OSBPL10: variants seen among roughly 807,000 people sequenced by gnomAD.
OSBPL10 encodes oxysterol-binding protein-related protein 10.
OSBPL10 carries 49 observed loss-of-function variants against 81.7 expected under a neutral mutation model. That is an observed-to-expected ratio of 0.60 (90% CI 0.48 to 0.76). The LOEUF is 0.76. Among genes scored for constraint, OSBPL10 ranks in the 30% least tolerant of loss-of-function variants. The probability of loss-of-function intolerance (pLI) is 0.00; values close to 1 mark genes in which losing one functional copy is unlikely to be tolerated. For missense variants in OSBPL10, 923 were observed against 987.8 expected, an observed-to-expected ratio of 0.93 and a Z score of 0.88; for synonymous variants, 419 against 383.6, an observed-to-expected ratio of 1.09 and a Z score of -1.08.
intron 1 of OSBPL10, among the ~76,000 whole-genome samples, chr3:31,911,843 G>C (rs1696589559): frequency 6.6e-6 from 1 of 152,068 alleles, no homozygotes; most frequent in Non-Finnish European, 1.5e-5. Flanking sequence ...TTATGAAAGA[G>C]GTCAACTTGG....
chr3:31,915,768 A>C (rs944157426), intron 1 of OSBPL10, among the ~76,000 whole-genome samples: 1 of 151,732 alleles, frequency 6.6e-6, no homozygotes, highest in African/African-American at 2.4e-5. Flanking sequence ...GTTGAAAAAA[A>C]ATTATCTGTA....
intron 1 of OSBPL10, among the ~76,000 whole-genome samples, chr3:31,909,525 G>C (rs544151870): frequency 6.6e-6 from 1 of 151,934 alleles, no homozygotes; most frequent in East Asian, 1.9e-4. Flanking sequence ...AGAAAGAAAG[G>C]GGGAGAGAAG....
chr3:31,927,905 C>G (rs1697122167), intron 1 of OSBPL10, among the ~76,000 whole-genome samples: 1 of 152,180 alleles, frequency 6.6e-6, no homozygotes. Context: ...TTCTTCTCCA[C>G]CCCCACCTAC....
intron 2 of OSBPL10, among the ~76,000 whole-genome samples, chr3:32,004,897 G>A (rs1481738054): frequency 6.6e-6 from 1 of 152,098 alleles, no homozygotes; most frequent in Admixed American, 6.5e-5. Flanking sequence ...ATTGTCATCA[G>A]CCTGTTTTAT....
intron 2 of OSBPL10, among the ~76,000 whole-genome samples, chr3:32,042,126 G>A (rs952649930): frequency 3.9e-5 from 6 of 152,176 alleles, no homozygotes; most frequent in African/African-American, 1.4e-4. Context: ...TCTACCCACA[G>A]CTCCACTAAG....
chr3:31,929,609 G>C (rs757196407), intron 1 of OSBPL10, among the ~76,000 whole-genome samples: 1 of 151,980 alleles, frequency 6.6e-6, no homozygotes, highest in African/African-American at 2.4e-5. Context: ...TTAGCTGGGC[G>C]TGGTGGCAGC....
At chr3:31,909,282 T>C (rs1344684369) in intron 1 of OSBPL10, among the ~76,000 whole-genome samples, 1 of 152,206 alleles carries the variant, frequency 6.6e-6, no homozygotes, top group Non-Finnish European at 1.5e-5. Flanking sequence ...CCAAGACCTA[T>C]AGTTTCTAAA....
chr3:31,838,648 C>A (rs939243161), intron 3 of OSBPL10, among the ~76,000 whole-genome samples: 2 of 151,842 alleles, frequency 1.3e-5, no homozygotes, highest in Non-Finnish European at 2.9e-5. Flanking sequence ...TCACTCAGCT[C>A]TCTTCAACTG....
intron 1 of OSBPL10, among the ~76,000 whole-genome samples, chr3:31,952,727 T>C (rs1405260619): frequency 1.3e-5 from 2 of 152,214 alleles, no homozygotes; most frequent in Non-Finnish European, 2.9e-5. Context: ...CAGTTGGCTC[T>C]GATATTACTA....
intron 3 of OSBPL10, among the ~76,000 whole-genome samples, chr3:31,858,150 G>A (rs986496685): frequency 2.6e-5 from 4 of 151,562 alleles, no homozygotes; most frequent in African/African-American, 9.7e-5. Context: ...ACAGGAGCAC[G>A]CCACCACACC....
intron 2 of OSBPL10, among the ~76,000 whole-genome samples, chr3:32,044,059 T>G (rs879496654): frequency 6.6e-6 from 1 of 152,140 alleles, no homozygotes; most frequent in Non-Finnish European, 1.5e-5. Flanking sequence ...AATATACCAA[T>G]GTAACAAGCC....
chr3:31,877,743 C>G (rs570846710), intron 2 of OSBPL10, among the ~76,000 whole-genome samples: 1 of 152,098 alleles, frequency 6.6e-6, no homozygotes, highest in Non-Finnish European at 1.5e-5. Context: ...ATGAAGATGG[C>G]CCCTACAAAT....
chr3:31,838,991 C>G (rs1167299095), intron 3 of OSBPL10, among the ~76,000 whole-genome samples: 1 of 152,170 alleles, frequency 6.6e-6, no homozygotes, highest in African/African-American at 2.4e-5. Flanking sequence ...TGCTTCCCCT[C>G]AAGGATGGCC....
intron 3 of OSBPL10, among the ~76,000 whole-genome samples, chr3:31,840,128 A>G (rs1407453365): frequency 6.6e-6 from 1 of 151,908 alleles, no homozygotes; most frequent in Non-Finnish European, 1.5e-5. Context: ...GTAATGAATC[A>G]TAGAACAAAA....
chr3:31,763,256 A>G (rs1477869228), intron 4 of OSBPL10, among the ~76,000 whole-genome samples: 2 of 152,222 alleles, frequency 1.3e-5, no homozygotes, highest in Non-Finnish European at 2.9e-5. Context: ...AACAAAACCT[A>G]AAATGCTGCT....
At chr3:31,790,699 A>G (rs1231279162) in intron 4 of OSBPL10, among the ~76,000 whole-genome samples, 2 of 152,148 alleles carry the variant, frequency 1.3e-5, no homozygotes, top group African/African-American at 2.4e-5. Context: ...CAAAGCCTGA[A>G]TTATAAAATT....
chr3:31,668,935 G>T, intron 9 of OSBPL10, 111 bp from the exon 10 acceptor site: 2 of 989,136 alleles, frequency 2.0e-6, no homozygotes, highest in Non-Finnish European at 2.9e-6. Context: ...TGGGAAGGAG[G>T]GATTGTTTTT....
intron 1 of OSBPL10, among the ~76,000 whole-genome samples, chr3:31,908,587 T>C (rs186285578): frequency 2.6e-5 from 4 of 152,230 alleles, no homozygotes; most frequent in Admixed American, 6.5e-5. Context: ...CCTAATTGTG[T>C]CGGATGTAGT....
intron 4 of OSBPL10, chr3:31,794,536 A>T: frequency 2.9e-6 from 1 of 341,022 alleles, no homozygotes; most frequent in South Asian, 3.5e-5. Flanking sequence ...CATGGCTGTG[A>T]ACTTTTCCCA....
Sources: gnomAD v4.1 joint callset for allele counts (sites outside exome capture counted in the v4.1 genomes callset) on GRCh38, gnomAD v4.1.1 for gene constraint, MANE v1.5 for transcripts, NCBI Gene and HGNC (gene_info 2026-07-23, HGNC 2026-07-21) for gene names.